Variants in MAST3 observed in about 807,000 individuals in gnomAD.
The protein encoded by MAST3 is microtubule-associated serine/threonine-protein kinase 3.
Under a neutral mutation model 127.0 loss-of-function variants are expected in MAST3, and 43 were observed. The observed-to-expected ratio is 0.34, with a 90% CI of 0.27 to 0.44. MAST3 has a LOEUF of 0.44. Ranked by LOEUF, MAST3 falls within the 20% of genes least tolerant of loss-of-function variation. The pLI is 1.00. For synonymous variants in MAST3, 785 were observed against 809.2 expected (o/e 0.97, Z 0.51); for missense variants, 1,390 against 1,919.1 (o/e 0.72, Z 5.15).
At chr19:18,104,970 A>T (rs1347623214) in intron 1 of MAST3, among the ~76,000 whole-genome samples, 2 of 152,166 alleles carry the variant, frequency 1.3e-5, no homozygotes, top group East Asian at 3.8e-4. Context: ...GGGGCATACA[A>T]ATAATTTGCA....
intron 1 of MAST3, among the ~76,000 whole-genome samples, chr19:18,107,164 A>G (rs1419867032): frequency 6.6e-5 from 10 of 151,826 alleles, no homozygotes; most frequent in East Asian, 3.9e-4. Context: ...TAGTCTTGCT[A>G]TGTTGCCCAA....
At chr19:18,140,643 C>A (rs2042372481) in intron 20 of MAST3, among the ~76,000 whole-genome samples, 1 of 152,182 alleles carries the variant, frequency 6.6e-6, no homozygotes, top group Non-Finnish European at 1.5e-5. Context: ...CAAGGCTCAT[C>A]CCTACTGCAG....
intron 11 of MAST3, among the ~76,000 whole-genome samples, chr19:18,125,969 G>C (rs1197816908): frequency 6.6e-6 from 1 of 152,008 alleles, no homozygotes; most frequent in African/African-American, 2.4e-5. Context: ...TGAGGCAGGA[G>C]AATCGCTTGA....
intron 11 of MAST3, among the ~76,000 whole-genome samples, chr19:18,126,215 C>A (rs1224715501): frequency 6.9e-6 from 1 of 145,154 alleles, no homozygotes; most frequent in Non-Finnish European, 1.5e-5. Flanking sequence ...AAGCCAGACC[C>A]TGTCTCAAAA....
chr19:18,124,117 T>C lies in MAST3; in HGVS notation c.812T>C (p.Met271Thr), dbSNP rs549841764. ...NLVTSRYFLEMQEKLERLLQD... is the reference protein window; with the variant it reads ...NLVTSRYFLETQEKLERLLQD... ...GTCACCTCCCGCTACTTCCTAGAGA[T>C]GCAGGAGAAGCTGGAGCGGCTTCTG... Residue 271 changes from methionine (M) to threonine (T), a missense_variant, in exon 9 of 28, where the codon ATG becomes ACG. By Grantham distance (81) the Met-to-Thr change is moderately conservative (BLOSUM62 -1). Transcript: ENST00000687212. 1 of 1,611,806 alleles carries C rather than the reference T, an allele frequency of 6.2e-7. No individual in the cohort carries two copies. The highest frequency in any genetic ancestry group is 1.7e-5 in the Admixed American group (1 of 59,768).
Position 18,121,674 on chromosome 19 carries a change from T to TC in MAST3, c.162-5dup, listed in dbSNP as rs762015645. On this transcript the variant is annotated splice_polypyrimidine_tract_variant and intron_variant, in intron 3 of 27. Transcript: ENST00000687212. ...GGCAGCCACCTACCCTGTCCCCTTT[T>TC]CCCCCCACAGCTGCCGCAGCGGGAA... The TC allele has an allele frequency of 1.1e-5, 18 of 1,612,306 alleles. No homozygotes were observed. The East Asian group carries it at 2.7e-4, about 24-fold the overall frequency.
intron 27 of MAST3, among the ~76,000 whole-genome samples, chr19:18,148,920 A>G (rs1359809128): frequency 1.3e-5 from 2 of 149,480 alleles, no homozygotes; most frequent in Non-Finnish European, 3.0e-5. Flanking sequence ...AAAATTAGCC[A>G]GCCATGGTGA....
At chr19:18,131,865 C>T (rs273497) in intron 14 of MAST3, 44 bp from the exon 15 acceptor site, 1,434,078 of 1,534,036 alleles carry the variant, frequency 0.93, 670,572 homozygotes, top group East Asian at 0.96. Flanking sequence ...GGGCGGGGGG[C>T]GGGGGTGCCC....
At chr19:18,109,995 G>T in intron 2 of MAST3, 1 of 985,366 alleles carries the variant, frequency 1.0e-6, no homozygotes, top group African/African-American at 1.7e-5. Flanking sequence ...TCCCTTCCGG[G>T]GCGCAGCTCG....
intron 26 of MAST3, 29 bp from the exon 27 acceptor site, chr19:18,147,414 T>C: frequency 6.2e-7 from 1 of 1,608,448 alleles, no homozygotes; most frequent in Non-Finnish European, 8.5e-7. Context: ...GGAGCAGGGG[T>C]TCTGAAGCCT....
In MAST3 at chr19:18,150,921, GC is replaced by G. The variant is rs1326434078; in HGVS notation, c.*1196del. On this transcript the variant is annotated 3_prime_UTR_variant, in exon 28 of 28. Transcript: ENST00000687212. ...TGCCAGTCCTGCGGGATTACGTCCA[GC>G]TACTTCCAGAAACACTCAGTGTCCC... is the stretch of plus-strand genomic sequence containing the variant. 6.6e-6 allele frequency: 1 copy of G among 152,324 alleles called. No homozygotes were observed. The highest frequency in any genetic ancestry group is 1.5e-5 in the Non-Finnish European group (1 of 68,126). The allele number at this position is 152,324 out of a possible 1,614,324, so 9.4% of individuals were successfully genotyped here.
At chr19:18,121,623 G>A (rs1294501742) in intron 3 of MAST3, 62 bp from the exon 4 acceptor site, 3 of 1,388,610 alleles carry the variant, frequency 2.2e-6, no homozygotes, top group Admixed American at 1.7e-5. Flanking sequence ...ATTTAGGCTG[G>A]GCAGGTGGCT....
intron 1 of MAST3, among the ~76,000 whole-genome samples, chr19:18,098,359 C>G (rs1016999768): frequency 7.4e-6 from 1 of 135,852 alleles, no homozygotes; most frequent in Non-Finnish European, 1.7e-5. Flanking sequence ...CAGAGGTCGC[C>G]TAGCTGGGAT....
intron 3 of MAST3, among the ~76,000 whole-genome samples, chr19:18,121,191 T>A (rs1472756457): frequency 6.6e-6 from 1 of 152,090 alleles, no homozygotes; most frequent in Admixed American, 6.6e-5. Flanking sequence ...GGCCTTGTGC[T>A]GTCACCTAGG....
Position 18,147,009 on chromosome 19 carries a change from C to T in MAST3, c.3291C>T (p.Thr1097=), listed in dbSNP as rs2043086417. The change falls in exon 26 of 28, where the codon ACC becomes ACT. Residue 1097 remains threonine, a synonymous_variant. Transcript: ENST00000687212. The part of the protein sequence containing the change: ...RRSKRSRRRE[T]QDRCAAVTTR... ...GCAAGAGGAGCCGTCGGCGGGAGAC[C>T]CAGGATCGGTGCGCGGCAGTGACCA... 2 of 1,575,466 alleles carry T rather than the reference C, an allele frequency of 1.3e-6. No homozygotes were observed. Among genetic ancestry groups the T allele is most frequent in the African/African-American group, 1.3e-5 (1 of 74,156 alleles).
At chr19:18,125,716 G>A (rs1422248999) in intron 11 of MAST3, among the ~76,000 whole-genome samples, 2 of 149,552 alleles carry the variant, frequency 1.3e-5, no homozygotes, top group Admixed American at 1.3e-4. Context: ...ATTCCAGCCT[G>A]GGCAACAGGG....
chr19:18,146,010 A>G (rs1478087043), intron 25 of MAST3, 145 bp downstream of exon 25: 9 of 1,032,106 alleles, frequency 8.7e-6, no homozygotes, highest in Non-Finnish European at 1.2e-5. Flanking sequence ...CCTTCGGCCC[A>G]GAATACATGT....
chr19:18,107,548 G>C (rs761906022), intron 1 of MAST3, 39 bp from the exon 2 acceptor site: 7 of 1,611,350 alleles, frequency 4.3e-6, no homozygotes, highest in Non-Finnish European at 5.1e-6. Flanking sequence ...CTGAGGGCTA[G>C]TCTCTCTGAG....
At chr19:18,099,189 G>T (rs1011662956) in intron 1 of MAST3, among the ~76,000 whole-genome samples, 3 of 151,916 alleles carry the variant, frequency 2.0e-5, no homozygotes, top group African/African-American at 7.3e-5. Flanking sequence ...GAACTCAGCA[G>T]GTGATGGGAA....
Sources: gnomAD v4.1 joint callset for allele counts (sites outside exome capture counted in the v4.1 genomes callset) on GRCh38, gnomAD v4.1.1 for gene constraint, MANE v1.5 for transcripts, NCBI Gene and HGNC (gene_info 2026-07-23, HGNC 2026-07-21) for gene names.